FKTN: variants seen among roughly 807,000 people sequenced by gnomAD.
FKTN encodes the protein ribitol-5-phosphate transferase FKTN.
FKTN carries 47 observed loss-of-function variants against 58.6 expected under a neutral mutation model. The observed-to-expected ratio is 0.80, with a 90% confidence interval of 0.63 to 1.02. The LOEUF (loss-of-function observed/expected upper bound fraction) is 1.02, where lower values mean the gene tolerates loss of function less well. FKTN is among the 50% of genes least tolerant of loss of function. The probability of loss-of-function intolerance (pLI) is 0.00; values close to 1 mark genes in which losing one functional copy is unlikely to be tolerated. For missense variants in FKTN, 516 were observed against 537.3 expected (o/e 0.96, Z 0.39); for synonymous variants, 178 against 191.9 (o/e 0.93, Z 0.60).
chr9:105,580,278 T>G (rs1402349274), intron 3 of FKTN, among the ~76,000 whole-genome samples: 14 of 152,196 alleles, frequency 9.2e-5, no homozygotes, highest in Non-Finnish European at 1.8e-4. Context: ...TCTTTACATT[T>G]TGGCATGATT....
At chr9:105,577,317 C>A (rs1282177384) in intron 3 of FKTN, among the ~76,000 whole-genome samples, 1 of 125,398 alleles carries the variant, frequency 8.0e-6, no homozygotes, top group Non-Finnish European at 1.6e-5. Flanking sequence ...ACGTTTAAAT[C>A]TTTAATCCAT....
chr9:105,616,917 A>G (rs1322113163), intron 8 of FKTN, among the ~76,000 whole-genome samples: 1 of 151,054 alleles, frequency 6.6e-6, no homozygotes, highest in Admixed American at 6.6e-5. Flanking sequence ...CATTTATGTG[A>G]TATTTGCTTT....
intron 1 of FKTN, among the ~76,000 whole-genome samples, chr9:105,562,503 T>C (rs1838490648): frequency 2.0e-5 from 3 of 152,202 alleles, no homozygotes; most frequent in Admixed American, 1.3e-4. Flanking sequence ...TTAGGTTCTG[T>C]AGCCAGGGAA....
chr9:105,567,400 C>T (rs558552447), intron 1 of FKTN, among the ~76,000 whole-genome samples: 3 of 152,276 alleles, frequency 2.0e-5, no homozygotes, highest in African/African-American at 7.2e-5. Context: ...TAGAAAACCC[C>T]ATTGTCTCAG....
chr9:105,582,017 G>C (rs1007992133), intron 3 of FKTN, among the ~76,000 whole-genome samples: 14 of 152,280 alleles, frequency 9.2e-5, no homozygotes, highest in African/African-American at 3.4e-4. Flanking sequence ...GCCTCGCCCT[G>C]CTTCGGCTCG....
In FKTN at chr9:105,636,201, A is replaced by G. The variant is rs1029377774; in HGVS notation, c.*937A>G. ...CACTCCCAATTTTAATGACACTAAA[A>G]TATTAATAGAATTTTTTAAATATAC... On this transcript the variant is annotated 3_prime_UTR_variant, in exon 11 of 11. Coordinates refer to ENST00000357998, the MANE Select transcript of FKTN (RefSeq NM_001079802.2). 9 of 871,674 alleles carry G rather than the reference A, an allele frequency of 1.0e-5. No homozygotes were observed. The South Asian group carries it at 4.7e-4, about 46-fold the overall frequency. The allele number at this position is 871,674 out of a possible 1,614,324, so 54.0% of individuals were successfully genotyped here.
intron 10 of FKTN, among the ~76,000 whole-genome samples, chr9:105,632,226 C>T (rs1415910277): frequency 6.6e-6 from 1 of 151,462 alleles, no homozygotes; most frequent in Non-Finnish European, 1.5e-5. Context: ...AATGAGATCA[C>T]ATGGACACAG....
At chr9:105,608,134 C>T (rs1031178788) in intron 7 of FKTN, among the ~76,000 whole-genome samples, 183 bp downstream of exon 7, 1 of 151,798 alleles carries the variant, frequency 6.6e-6, no homozygotes, top group Non-Finnish European at 1.5e-5. Context: ...TAAAAATTAA[C>T]CTTAAGAAAC....
rs1236742418 is a variant in FKTN at position 105,579,547 on chromosome 9, G to A, written c.105+4410G>A. 7.3e-5 allele frequency among the ~76,000 whole-genome samples: 11 copies of A among 151,434 alleles called. No individual in the cohort carries two copies. The South Asian group carries it at 2.3e-3, about 32-fold the overall frequency. On this transcript the variant is annotated intron_variant, in intron 3 of 10. Coordinates refer to ENST00000357998, the MANE Select transcript of FKTN (RefSeq NM_001079802.2). The stretch of plus-strand genomic sequence containing the variant: ...TCTGAGAGATAGTTTGTTATAATTT[G>A]TGTTCTTTTACATTTGCTGAGGAGA...
At chr9:105,634,677 A>G (rs1657514699) in intron 10 of FKTN, among the ~76,000 whole-genome samples, 1 of 152,214 alleles carries the variant, frequency 6.6e-6, no homozygotes, top group Non-Finnish European at 1.5e-5. Context: ...AAAGAAAAAG[A>G]TCATTTTCAT....
At position 105,584,248 on chromosome 9, in the gene FKTN, CTAT is replaced by C. The variant is rs1354884877; in HGVS notation, c.105+9122_105+9124del. Among the ~76,000 whole-genome samples the C allele has an allele frequency of 2.2e-4, 33 of 152,056 alleles. No homozygotes were observed. In the East Asian group the frequency reaches 5.6e-3, roughly 26 times the overall value. On this transcript the variant is annotated intron_variant, in intron 3 of 10. Coordinates refer to ENST00000357998, the MANE Select transcript of FKTN (RefSeq NM_001079802.2). ...ACAGAAAGAAACCAGTAAAAATTGG[CTAT>C]TATTATTATTTTTTAATTTTATAAT... is the stretch of plus-strand genomic sequence containing the variant.
intron 1 of FKTN, among the ~76,000 whole-genome samples, chr9:105,558,736 A>C (rs1837686037): frequency 6.6e-6 from 1 of 152,182 alleles, no homozygotes; most frequent in African/African-American, 2.4e-5. Context: ...ACAAATGACA[A>C]AGTGAATGAT....
At chr9:105,571,243 G>A (rs1192011243) in intron 1 of FKTN, among the ~76,000 whole-genome samples, 1 of 152,062 alleles carries the variant, frequency 6.6e-6, no homozygotes, top group Non-Finnish European at 1.5e-5. Context: ...CAGTGAAGAA[G>A]GAAGGAATTG....
chr9:105,609,167 A>G (rs959387225), intron 7 of FKTN, among the ~76,000 whole-genome samples: 4 of 152,350 alleles, frequency 2.6e-5, no homozygotes, highest in Middle Eastern at 3.4e-3. Flanking sequence ...TTCAAATTAA[A>G]GTGAACATAC....
rs1834179933 is a variant in FKTN at position 105,638,222 on chromosome 9, C to T, written c.*2958C>T. On this transcript the variant is annotated 3_prime_UTR_variant, in exon 11 of 11. Coordinates refer to ENST00000357998, the MANE Select transcript of FKTN (RefSeq NM_001079802.2). The stretch of plus-strand genomic sequence containing the variant: ...TCACAACACAGTATCTTTAACAGTG[C>T]TTGAGATGCTTAACAGAGAAGGCAT... The T allele has an allele frequency of 1.0e-6, 1 of 985,372 alleles. No individual in the cohort carries two copies. The highest frequency in any genetic ancestry group is 1.2e-6 in the Non-Finnish European group (1 of 829,920). 61.0% of individuals were successfully genotyped at this position (985,372 alleles called of 1,614,324 possible).
In FKTN at chr9:105,640,010, T is replaced by G; in HGVS notation, c.*4746T>G. On this transcript the variant is annotated 3_prime_UTR_variant, in exon 11 of 11. Coordinates refer to ENST00000357998, the MANE Select transcript of FKTN (RefSeq NM_001079802.2). The stretch of plus-strand genomic sequence containing the variant: ...CTTAATTTCATTTAATTATCTATGC[T>G]GATGAATGCCTGTATCATTGTTAAT... The G allele has an allele frequency of 6.6e-7, 1 of 1,525,542 alleles. No individual in the cohort carries two copies. The highest frequency in any genetic ancestry group is 8.8e-7 in the Non-Finnish European group (1 of 1,138,694). 94.5% of individuals were successfully genotyped at this position (1,525,542 alleles called of 1,614,324 possible). A position where few individuals can be genotyped will look rare whatever the true frequency, so the allele number is the denominator to read the frequency against.
At chr9:105,598,624 G>T (rs1186253605) in intron 4 of FKTN, 1 of 152,164 alleles carries the variant, frequency 6.6e-6, no homozygotes, top group Non-Finnish European at 1.5e-5. Context: ...GAATTAATTG[G>T]ATTTAGAATC....
Position 105,637,090 on chromosome 9 carries a change from C to G in FKTN, c.*1826C>G. The G allele has an allele frequency of 1.0e-6, 1 of 985,628 alleles. No homozygotes were observed. 61.1% of individuals were successfully genotyped at this position (985,628 alleles called of 1,614,324 possible). Reference sequence around the variant, plus strand: ...GCATTCCCAAATTCTAAATAGCTGACCCTAAATTCATTTTTCATGCTTAAA... The same window carrying G: ...GCATTCCCAAATTCTAAATAGCTGAGCCTAAATTCATTTTTCATGCTTAAA... On this transcript the variant is annotated 3_prime_UTR_variant, in exon 11 of 11. Transcript: ENST00000357998.
intron 3 of FKTN, among the ~76,000 whole-genome samples, chr9:105,578,816 G>T (rs1410406234): frequency 6.6e-6 from 1 of 151,496 alleles, no homozygotes; most frequent in Admixed American, 6.6e-5. Context: ...TTTTTTGGTT[G>T]GTAAGCTATT....
Sources: allele counts gnomAD v4.1 joint callset (sites outside exome capture counted in the v4.1 genomes callset), GRCh38; gene constraint gnomAD v4.1.1; transcripts MANE v1.5; gene names NCBI Gene and HGNC (gene_info 2026-07-23, HGNC 2026-07-21).